GALNT10: variants seen among roughly 807,000 people sequenced by gnomAD.
GALNT10 encodes GalNAc transferase 10.
Under a neutral mutation model 75.0 loss-of-function variants are expected in GALNT10, and 41 were observed. The ratio of observed to expected loss-of-function variants is 0.55; its 90% confidence interval spans 0.43 to 0.71. GALNT10 has a LOEUF of 0.71. Ranked by LOEUF, GALNT10 falls within the 30% of genes least tolerant of loss-of-function variation. The pLI is 0.00. For synonymous variants in GALNT10, 302 were observed against 313.0 expected, an observed-to-expected ratio of 0.96 and a Z score of 0.37; for missense variants, 727 against 818.5, an observed-to-expected ratio of 0.89 and a Z score of 1.36.
At position 154,416,798 on chromosome 5, in the gene GALNT10, C is replaced by T. The variant is rs1431689940; in HGVS notation, c.1654-16C>T. 11 of 1,604,578 alleles carry T rather than the reference C, an allele frequency of 6.9e-6. No individual in the cohort carries two copies. The highest frequency in any genetic ancestry group is 8.5e-6 in the Non-Finnish European group (10 of 1,171,656). On this transcript the variant is annotated splice_polypyrimidine_tract_variant and intron_variant, in intron 11 of 11. Coordinates refer to ENST00000297107, the MANE Select transcript of GALNT10 (RefSeq NM_198321.4). This position sits in a 1 kb window ranked among gnomAD's most constrained non-coding sequence, Gnocchi z 4.5. The stretch of plus-strand genomic sequence containing the variant: ...GTCTCCAGTGCTGTCTGGCTTATTA[C>T]CTCCATGTTTTGTAGGACAAGACCC...
intron 4 of GALNT10, chr5:154,337,373 G>A: frequency 1.8e-6 from 1 of 551,138 alleles, no homozygotes; most frequent in Non-Finnish European, 3.4e-6. Context: ...CCACCATTGT[G>A]CTTGGCTGAG....
At chr5:154,323,589 A>G (rs960612308) in intron 3 of GALNT10, among the ~76,000 whole-genome samples, 2 of 152,188 alleles carry the variant, frequency 1.3e-5, no homozygotes, top group African/African-American at 4.8e-5. Context: ...CCAGGCAGTC[A>G]GGTGATGTAT....
chr5:154,232,646 G>A (rs1012583892), intron 1 of GALNT10, among the ~76,000 whole-genome samples: 4 of 152,170 alleles, frequency 2.6e-5, no homozygotes, highest in African/African-American at 9.7e-5. Flanking sequence ...AAGAAGCCTG[G>A]GGAAGAATGT....
At chr5:154,395,795 G>A (rs142128157) in intron 7 of GALNT10, among the ~76,000 whole-genome samples, 3 of 152,306 alleles carry the variant, frequency 2.0e-5, no homozygotes, top group East Asian at 1.9e-4. Flanking sequence ...ATTCCAGTAC[G>A]CGGTGGCTCC....
Position 154,418,320 on chromosome 5 carries a change from C to T in GALNT10, c.*1348C>T, listed in dbSNP as rs3172941. On this transcript the variant is annotated 3_prime_UTR_variant, in exon 12 of 12. Coordinates refer to ENST00000297107, the MANE Select transcript of GALNT10 (RefSeq NM_198321.4). ...ATTTGCAGTGGAGAAAAGAACCCGA[C>T]GTCCCACAGCCAGATATACACCCAG... is the stretch of plus-strand genomic sequence containing the variant. The T allele has an allele frequency of 0.33, 50,534 of 152,118 alleles. 8,976 individuals carry two copies. The highest frequency in any genetic ancestry group is 0.67 in the East Asian group (3,483 of 5,168). 9.4% of individuals were successfully genotyped at this position (152,118 alleles called of 1,614,324 possible). A position where few individuals can be genotyped will look rare whatever the true frequency, so the allele number is the denominator to read the frequency against.
intron 5 of GALNT10, among the ~76,000 whole-genome samples, chr5:154,378,338 C>CATCATCATCATT (rs1438415216): frequency 6.6e-6 from 1 of 152,090 alleles, no homozygotes; most frequent in Non-Finnish European, 1.5e-5. Context: ...TCATCATCAT[C>CATCATCATCATT]ATCATTATCA....
At chr5:154,307,577 A>C (rs1235508010) in intron 3 of GALNT10, among the ~76,000 whole-genome samples, 1 of 150,584 alleles carries the variant, frequency 6.6e-6, no homozygotes, top group Non-Finnish European at 1.5e-5. Context: ...TCGAGATCGC[A>C]CCACTGCACT....
intron 4 of GALNT10, among the ~76,000 whole-genome samples, chr5:154,359,643 G>A (rs906889674): frequency 3.9e-5 from 6 of 151,910 alleles, no homozygotes; most frequent in African/African-American, 9.7e-5. Flanking sequence ...TTCTTGGGGG[G>A]CCAGGGTATG....
chr5:154,320,217 C>A (rs1425462364), intron 3 of GALNT10, among the ~76,000 whole-genome samples: 3 of 152,164 alleles, frequency 2.0e-5, no homozygotes, highest in Non-Finnish European at 4.4e-5. Flanking sequence ...GACAGGCACA[C>A]GTTCAGGGCT....
intron 1 of GALNT10, among the ~76,000 whole-genome samples, chr5:154,268,235 C>T (rs1753806160): frequency 6.6e-6 from 1 of 152,184 alleles, no homozygotes; most frequent in Non-Finnish European, 1.5e-5. Flanking sequence ...CCCATGACGT[C>T]ATTTCAAATA....
chr5:154,342,473 C>T (rs529445129), intron 4 of GALNT10, among the ~76,000 whole-genome samples: 4 of 152,266 alleles, frequency 2.6e-5, no homozygotes, highest in East Asian at 1.9e-4. Flanking sequence ...GATACTGATT[C>T]GGTGGTTCTA....
At chr5:154,289,585 A>G (rs1334537717) in intron 1 of GALNT10, among the ~76,000 whole-genome samples, 1 of 152,242 alleles carries the variant, frequency 6.6e-6, no homozygotes, top group Admixed American at 6.5e-5. Flanking sequence ...GGGCAAGTCC[A>G]TTCTACTCTG....
At chr5:154,414,233 T>A (rs927731384) in intron 10 of GALNT10, among the ~76,000 whole-genome samples, 1 of 152,166 alleles carries the variant, frequency 6.6e-6, no homozygotes, top group African/African-American at 2.4e-5. Context: ...AAGTTGACCA[T>A]TGAACCAGTC....
chr5:154,209,989 T>C (rs963636012), intron 1 of GALNT10, among the ~76,000 whole-genome samples: 1 of 152,158 alleles, frequency 6.6e-6, no homozygotes, highest in Non-Finnish European at 1.5e-5. Flanking sequence ...TCAGGCTTTG[T>C]CACTAAATGA....
At chr5:154,311,688 C>T (rs979751291) in intron 3 of GALNT10, among the ~76,000 whole-genome samples, 3 of 151,882 alleles carry the variant, frequency 2.0e-5, no homozygotes, top group African/African-American at 7.3e-5. Context: ...CTCAGCTCAC[C>T]GCAAATTCTG....
At chr5:154,366,391 G>A (rs1484392339) in intron 4 of GALNT10, among the ~76,000 whole-genome samples, 1 of 152,002 alleles carries the variant, frequency 6.6e-6, no homozygotes, top group African/African-American at 2.4e-5. Context: ...AGTTGGAGAA[G>A]GTTGAAAACC....
At chr5:154,244,272 A>G (rs971406083) in intron 1 of GALNT10, among the ~76,000 whole-genome samples, 1 of 152,062 alleles carries the variant, frequency 6.6e-6, no homozygotes, top group Admixed American at 6.6e-5. Context: ...TAATATTAAG[A>G]ATTATTTCAG....
chr5:154,399,308 C>A (rs946205660), intron 7 of GALNT10, among the ~76,000 whole-genome samples: 5 of 152,172 alleles, frequency 3.3e-5, no homozygotes, highest in African/African-American at 4.8e-5. Context: ...CAGCACCACC[C>A]CCCTAGCCCG....
At chr5:154,393,969 A>T (rs1314683234) in intron 7 of GALNT10, among the ~76,000 whole-genome samples, 1 of 152,224 alleles carries the variant, frequency 6.6e-6, no homozygotes, top group African/African-American at 2.4e-5. Context: ...TGCACAAGTC[A>T]GCAGTGCAGA....
Sources: allele counts gnomAD v4.1 joint callset (sites outside exome capture counted in the v4.1 genomes callset), GRCh38; gene constraint gnomAD v4.1.1; non-coding constraint Gnocchi (gnomAD v3.1); transcripts MANE v1.5; gene names NCBI Gene and HGNC (gene_info 2026-07-23, HGNC 2026-07-21).